The following PCCA variants were observed in gnomAD, a reference collection of about 807,000 sequenced individuals.
The protein encoded by PCCA is propionyl-CoA carboxylase subunit alpha.
Under a neutral mutation model 101.3 loss-of-function variants are expected in PCCA, and 74 were observed. That is an observed-to-expected ratio of 0.73 (90% CI 0.61 to 0.89). The LOEUF (loss-of-function observed/expected upper bound fraction) is 0.89, where lower values mean the gene tolerates loss of function less well. Among genes scored for constraint, PCCA ranks in the 40% least tolerant of loss-of-function variants. The pLI, the probability that PCCA is intolerant of heterozygous loss-of-function variation, is 0.00. For missense variants in PCCA, 891 were observed against 907.0 expected (o/e 0.98, Z 0.23); for synonymous variants, 294 against 313.6 (o/e 0.94, Z 0.66).
chr13:100,293,068 G>C (rs903247865), intron 12 of PCCA, among the ~76,000 whole-genome samples: 1 of 151,986 alleles, frequency 6.6e-6, no homozygotes, highest in African/African-American at 2.4e-5. Flanking sequence ...ATAGGAGTTA[G>C]AAAATTCCCA....
At chr13:100,382,317 C>T (rs1450744440) in intron 19 of PCCA, among the ~76,000 whole-genome samples, 7 of 152,148 alleles carry the variant, frequency 4.6e-5, no homozygotes. Flanking sequence ...AGCTGTCCCT[C>T]TGAAGTCAAG....
At chr13:100,164,542 T>C (rs1226469554) in intron 6 of PCCA, among the ~76,000 whole-genome samples, 1 of 152,200 alleles carries the variant, frequency 6.6e-6, no homozygotes, top group Non-Finnish European at 1.5e-5. Context: ...ACTCCTTGAC[T>C]CTTATGTAGT....
intron 19 of PCCA, among the ~76,000 whole-genome samples, chr13:100,386,038 A>G (rs1455299522): frequency 3.9e-5 from 6 of 152,216 alleles, no homozygotes; most frequent in Non-Finnish European, 7.3e-5. Context: ...CCTGTAGGAG[A>G]TGTGCAAGAA....
At chr13:100,528,904 C>T (rs1301979513) in intron 23 of PCCA, among the ~76,000 whole-genome samples, 1 of 152,114 alleles carries the variant, frequency 6.6e-6, no homozygotes, top group Admixed American at 6.5e-5. Flanking sequence ...TGTGGGGGAC[C>T]GAGAACGTGT....
chr13:100,273,055 T>G, intron 11 of PCCA, 141 bp from the exon 12 acceptor site: 1 of 647,182 alleles, frequency 1.5e-6, no homozygotes, highest in Non-Finnish European at 2.7e-6. Flanking sequence ...AAAACATATA[T>G]AAAGCACAAT....
chr13:100,527,857 T>TC lies in PCCA; in HGVS notation c.2118+110dup, dbSNP rs144101304. On this transcript the variant is annotated intron_variant, in intron 23 of 23. Transcript: ENST00000376285. Reference sequence around the variant, plus strand: ...TGGAAAGGGCCACAGAGGCGCCCTCTCCCCCTCGCTTCTACAGAGGAGGAC... The same window carrying TC: ...TGGAAAGGGCCACAGAGGCGCCCTCTCCCCCCTCGCTTCTACAGAGGAGGAC... 3.2e-3 allele frequency: 2,630 copies of TC among 833,722 alleles called. 46 individuals carry two copies. The African/African-American group carries it at 0.039, about 12-fold the overall frequency. 51.6% of individuals were successfully genotyped at this position (833,722 alleles called of 1,614,324 possible). A position where few individuals can be genotyped will look rare whatever the true frequency, so the allele number is the denominator to read the frequency against.
At chr13:100,434,020 G>A (rs996335807) in intron 20 of PCCA, among the ~76,000 whole-genome samples, 1 of 152,204 alleles carries the variant, frequency 6.6e-6, no homozygotes, top group Admixed American at 6.5e-5. Context: ...ATGCTAGTAG[G>A]CTGAGAGGAA....
chr13:100,382,109 A>G (rs2076262299), intron 19 of PCCA, among the ~76,000 whole-genome samples: 2 of 152,210 alleles, frequency 1.3e-5, no homozygotes, highest in Admixed American at 6.5e-5. Context: ...ATCCACACAC[A>G]TGGCTCCTGA....
At chr13:100,303,174 AAGTC>A (rs1478053649) in intron 14 of PCCA, among the ~76,000 whole-genome samples, 176 bp downstream of exon 14, 3 of 152,194 alleles carry the variant, frequency 2.0e-5, no homozygotes, top group Admixed American at 2.0e-4. Context: ...GTGTTCAAGA[AAGTC>A]AGGATTCACT....
intron 19 of PCCA, among the ~76,000 whole-genome samples, chr13:100,416,923 A>G (rs2078410802): frequency 6.6e-6 from 1 of 152,070 alleles, no homozygotes; most frequent in Non-Finnish European, 1.5e-5. Flanking sequence ...GGCTCACTGC[A>G]ACCTCTGCCT....
chr13:100,153,976 A>G (rs1368189107), intron 4 of PCCA, among the ~76,000 whole-genome samples: 2 of 152,326 alleles, frequency 1.3e-5, no homozygotes, highest in East Asian at 3.9e-4. Flanking sequence ...CATTTAAAAC[A>G]AAGTATTTAA....
chr13:100,183,783 C>T (rs1250045739), intron 6 of PCCA, among the ~76,000 whole-genome samples: 2 of 151,996 alleles, frequency 1.3e-5, no homozygotes, highest in African/African-American at 4.8e-5. Context: ...GGCGAGGGGC[C>T]CTGGGTACTG....
chr13:100,365,539 T>G (rs1293809371), intron 18 of PCCA, among the ~76,000 whole-genome samples: 1 of 152,200 alleles, frequency 6.6e-6, no homozygotes, highest in Non-Finnish European at 1.5e-5. Flanking sequence ...TGAAAAATAT[T>G]ACAGCATATG....
intron 21 of PCCA, among the ~76,000 whole-genome samples, chr13:100,474,789 C>T (rs1002712762): frequency 6.6e-6 from 1 of 152,048 alleles, no homozygotes; most frequent in Non-Finnish European, 1.5e-5. Flanking sequence ...CCGTATATGT[C>T]CATTTTGCAG....
rs138704005 is a variant in PCCA, at chr13:100,526,376, G to A, written c.2041-1299G>A. 8.5e-3 allele frequency among the ~76,000 whole-genome samples: 1,300 copies of A among 152,346 alleles called. 18 individuals are homozygous for A. The highest frequency in any genetic ancestry group is 0.029 in the African/African-American group (1,192 of 41,576). On this transcript the variant is annotated intron_variant, in intron 22 of 23. Coordinates refer to ENST00000376285, the MANE Select transcript of PCCA (RefSeq NM_000282.4). ...CGCGGTGTCTCTCCTCCGTGCCAGC[G>A]CCAAAGCCTTGGCATCGTCTCTCTT...
chr13:100,125,610 G>A, intron 4 of PCCA, among the ~76,000 whole-genome samples: 1 of 152,292 alleles, frequency 6.6e-6, no homozygotes, highest in Non-Finnish European at 1.5e-5. Context: ...AGAATACAAT[G>A]TACCTACTAT....
intron 6 of PCCA, among the ~76,000 whole-genome samples, chr13:100,164,851 A>G (rs1244639133): frequency 6.6e-6 from 1 of 151,928 alleles, no homozygotes; most frequent in African/African-American, 2.4e-5. Context: ...CCCATTTCCC[A>G]CCTACTCCTA....
intron 20 of PCCA, among the ~76,000 whole-genome samples, chr13:100,439,381 C>T (rs1017178715): frequency 1.3e-5 from 2 of 152,058 alleles, no homozygotes; most frequent in Non-Finnish European, 2.9e-5. Context: ...GATTTCCTGC[C>T]TGTGGCATAT....
chr13:100,525,638 C>A (rs1024216453), intron 22 of PCCA, among the ~76,000 whole-genome samples: 3 of 152,248 alleles, frequency 2.0e-5, no homozygotes, highest in East Asian at 1.9e-4. Flanking sequence ...GAAGCAGGAG[C>A]TGCCTGCCTG....
Sources: gnomAD v4.1 joint callset for allele counts (sites outside exome capture counted in the v4.1 genomes callset) on GRCh38, gnomAD v4.1.1 for gene constraint, MANE v1.5 for transcripts, NCBI Gene and HGNC (gene_info 2026-07-23, HGNC 2026-07-21) for gene names.